Variants in PHACTR2 observed in about 807,000 individuals in gnomAD.
PHACTR2 encodes chromosome 6 open reading frame 56.
Under a neutral mutation model 76.0 loss-of-function variants are expected in PHACTR2, and 30 were observed. That is an observed-to-expected ratio of 0.39 (90% CI 0.30 to 0.54). The LOEUF (loss-of-function observed/expected upper bound fraction) is 0.54, where lower values mean the gene tolerates loss of function less well. Among genes scored for constraint, PHACTR2 ranks in the 20% least tolerant of loss-of-function variants. The pLI, the probability that PHACTR2 is intolerant of heterozygous loss-of-function variation, is 0.61. For missense variants in PHACTR2, 696 were observed against 781.1 expected (o/e 0.89, Z 1.30); for synonymous variants, 292 against 292.5 (o/e 1.00, Z 0.02).
At chr6:143,661,636 A>G (rs1384064916) in intron 1 of PHACTR2, among the ~76,000 whole-genome samples, 1 of 149,606 alleles carries the variant, frequency 6.7e-6, no homozygotes, top group Non-Finnish European at 1.5e-5. Flanking sequence ...TCGGCTCACT[A>G]CAACCTCCTA....
chr6:143,690,601 C>G (rs1406243225), intron 1 of PHACTR2, among the ~76,000 whole-genome samples: 1 of 152,206 alleles, frequency 6.6e-6, no homozygotes, highest in African/African-American at 2.4e-5. Flanking sequence ...CAAACACTGC[C>G]ATCCCTCCCA....
Position 143,576,135 on chromosome 6 carries a change from C to A in PHACTR2, c.217+38928C>A, listed in dbSNP as rs927621906. On this transcript the variant is annotated intron_variant, in intron 1 of 11. Coordinates refer to the PHACTR2 transcript ENST00000367584. ...CTTGGCTGGAAACTTGGAGCATCTGCAAGCTTGGTGTCTTCACATTAGATT... is the reference window on the plus strand; with the variant it reads ...CTTGGCTGGAAACTTGGAGCATCTGAAAGCTTGGTGTCTTCACATTAGATT... Among the ~76,000 whole-genome samples the A allele has an allele frequency of 3.9e-5, 6 of 152,204 alleles. 1 individual carries two copies. In the South Asian group the frequency reaches 1.2e-3, roughly 32 times the overall value.
Position 143,777,587 on chromosome 6 carries a change from C to T in PHACTR2, c.1645+204C>T, listed in dbSNP as rs1318634369. 6.6e-6 allele frequency among the ~76,000 whole-genome samples: 1 copy of T among 151,836 alleles called. No individual in the cohort carries two copies. On this transcript the variant is annotated intron_variant, in intron 9 of 12. Transcript: ENST00000440869. The surrounding 1 kb of genome is among the most constrained non-coding windows in gnomAD (Gnocchi z 4.6). ...TGATATTTGATTTTATGGCTTTGAG[C>T]CTTATACCCGCCCCTAGAGCAGAGT...
intron 1 of PHACTR2, among the ~76,000 whole-genome samples, chr6:143,685,327 T>C (rs1190390153): frequency 6.6e-6 from 1 of 151,960 alleles, no homozygotes; most frequent in African/African-American, 2.4e-5. Context: ...GAAAGAAATA[T>C]TTAATTATAT....
chr6:143,795,734 T>C lies in PHACTR2; in HGVS notation c.1845+6824T>C, dbSNP rs1031270871. On this transcript the variant is annotated intron_variant, in intron 11 of 12. Coordinates refer to ENST00000440869, the MANE Select transcript of PHACTR2 (RefSeq NM_001100164.2). The surrounding 1 kb of genome is among the most constrained non-coding windows in gnomAD (Gnocchi z 4.8). ...TTGGCCACTTAGTAGTTGTTTGACCTTGGCCAAGTCATTTAACCTAGGTTT... is the reference window on the plus strand; with the variant it reads ...TTGGCCACTTAGTAGTTGTTTGACCCTGGCCAAGTCATTTAACCTAGGTTT... 6.6e-6 allele frequency among the ~76,000 whole-genome samples: 1 copy of C among 152,236 alleles called. No homozygotes were observed. The highest frequency in any genetic ancestry group is 6.5e-5 in the Admixed American group (1 of 15,284).
chr6:143,686,021 A>G (rs1777511201), intron 1 of PHACTR2, among the ~76,000 whole-genome samples: 1 of 151,858 alleles, frequency 6.6e-6, no homozygotes, highest in African/African-American at 2.4e-5. Context: ...AATCTCAGCT[A>G]CTTGAGAGGC....
chr6:143,703,156 TA>T (rs57738495), intron 1 of PHACTR2, among the ~76,000 whole-genome samples: 24,745 of 91,104 alleles, frequency 0.27, 2,441 homozygotes, highest in Middle Eastern at 0.35. Context: ...AAAAAATTAC[TA>T]AAAAAAAAAA....
intron 1 of PHACTR2, among the ~76,000 whole-genome samples, chr6:143,560,592 A>G (rs2128429307): frequency 6.6e-6 from 1 of 152,340 alleles, no homozygotes; most frequent in Non-Finnish European, 1.5e-5. Context: ...TTTGGTGTAA[A>G]CAGACCTTTG....
At position 143,583,538 on chromosome 6, in the gene PHACTR2, G is replaced by A. The variant is rs1335357275; in HGVS notation, c.217+46331G>A. ...TATAGAATACAAATACTGTTGAATG[G>A]TGCAGCAACAGAGCTGTACAACACC... On this transcript the variant is annotated intron_variant, in intron 1 of 11. Coordinates refer to the PHACTR2 transcript ENST00000367584. The surrounding 1 kb of genome is among the most constrained non-coding windows in gnomAD (Gnocchi z 4.0). Among the ~76,000 whole-genome samples, 2 of 152,256 alleles carry A rather than the reference G, an allele frequency of 1.3e-5. No homozygotes were observed. Among genetic ancestry groups the A allele is most frequent in the African/African-American group, 4.8e-5 (2 of 41,472 alleles).
rs1347252934 is a variant in PHACTR2 at position 143,641,353 on chromosome 6, G to A, written c.13+33031G>A. Among the ~76,000 whole-genome samples, 3 of 152,278 alleles carry A rather than the reference G, an allele frequency of 2.0e-5. No individual in the cohort carries two copies. The East Asian group carries it at 5.8e-4, about 29-fold the overall frequency. On this transcript the variant is annotated intron_variant, in intron 1 of 11. Transcript: ENST00000305766. The surrounding 1 kb of genome is among the most constrained non-coding windows in gnomAD (Gnocchi z 5.8). ...TGGAATGGTATAGCCATAAGTCAAG[G>A]AATGCCTGGAGCTTCCAGAAGCTGG...
At chr6:143,565,154 A>G (rs1453450134) in intron 1 of PHACTR2, among the ~76,000 whole-genome samples, 1 of 152,230 alleles carries the variant, frequency 6.6e-6, no homozygotes, top group African/African-American at 2.4e-5. Context: ...CACCTACTGC[A>G]TGCTAGGCAT....
In PHACTR2 at chr6:143,684,226, T is replaced by C. The variant is rs2128454033; in HGVS notation, c.46+6017T>C. On this transcript the variant is annotated intron_variant, in intron 1 of 12. Coordinates refer to ENST00000440869, the MANE Select transcript of PHACTR2 (RefSeq NM_001100164.2). The surrounding 1 kb of genome is among the most constrained non-coding windows in gnomAD (Gnocchi z 4.3). ...GAAAACTTGCTGGGCATCCCAGAGG[T>C]AACATGGATCTAATGGAAGGTTTGA... 6.6e-6 allele frequency among the ~76,000 whole-genome samples: 1 copy of C among 152,274 alleles called. No homozygotes were observed. The highest frequency in any genetic ancestry group is 2.1e-4 in the South Asian group (1 of 4,822).
At chr6:143,573,624 G>A (rs1775473327) in intron 1 of PHACTR2, among the ~76,000 whole-genome samples, 1 of 151,640 alleles carries the variant, frequency 6.6e-6, no homozygotes, top group Non-Finnish European at 1.5e-5. Flanking sequence ...CTGTAGCTTG[G>A]AAAAGTTTCT....
chr6:143,791,036 AT>A lies in PHACTR2; in HGVS notation c.1845+2130del. On this transcript the variant is annotated intron_variant, in intron 11 of 12. Transcript: ENST00000440869. This position sits in a 1 kb window ranked among gnomAD's most constrained non-coding sequence, Gnocchi z 4.7. ...TCAACCTTTTTCTTTATGGCTTATGATTTTGTTTCTGGTTTTAAAAATTCTT... is the reference window on the plus strand; with the variant it reads ...TCAACCTTTTTCTTTATGGCTTATGATTTGTTTCTGGTTTTAAAAATTCTT... Among the ~76,000 whole-genome samples, 1 of 152,064 alleles carries A rather than the reference AT, an allele frequency of 6.6e-6. No individual in the cohort carries two copies. The highest frequency in any genetic ancestry group is 1.9e-4 in the East Asian group (1 of 5,188).
rs771282679 is a variant in PHACTR2 at position 143,678,145 on chromosome 6, T to A, written c.-19T>A. ...AAAGGAGCCGCTTGATCGCTGGACCTGGCCCTGCGACCCCAGTCATGGGCC... is the reference window on the plus strand; with the variant it reads ...AAAGGAGCCGCTTGATCGCTGGACCAGGCCCTGCGACCCCAGTCATGGGCC... On this transcript the variant is annotated 5_prime_UTR_variant, in exon 1 of 13. Transcript: ENST00000440869. The surrounding 1 kb of genome is among the most constrained non-coding windows in gnomAD (Gnocchi z 6.2). The A allele has an allele frequency of 6.5e-7, 1 of 1,545,510 alleles. No individual in the cohort carries two copies. Among genetic ancestry groups the A allele is most frequent in the Non-Finnish European group, 8.7e-7 (1 of 1,144,742 alleles).
intron 1 of PHACTR2, among the ~76,000 whole-genome samples, chr6:143,691,022 T>G (rs1777632168): frequency 6.6e-6 from 1 of 152,210 alleles, no homozygotes; most frequent in Non-Finnish European, 1.5e-5. Flanking sequence ...TCACCTAGTG[T>G]GCAAAATACT....
chr6:143,547,879 T>TGTAC lies in PHACTR2; in HGVS notation c.217+10676_217+10679dup, dbSNP rs1356157766. 6.6e-6 allele frequency among the ~76,000 whole-genome samples: 1 copy of TGTAC among 151,844 alleles called. No individual in the cohort carries two copies. The highest frequency in any genetic ancestry group is 6.5e-5 in the Admixed American group (1 of 15,274). Reference sequence around the variant, plus strand: ...CCCGCTGTATCTATGTATGTATGTATGTACGTATGTATCTATCTATCTATC... The same window carrying TGTAC: ...CCCGCTGTATCTATGTATGTATGTATGTACGTACGTATGTATCTATCTATCTATC... On this transcript the variant is annotated intron_variant, in intron 1 of 11. Transcript: ENST00000367584. This position sits in a 1 kb window ranked among gnomAD's most constrained non-coding sequence, Gnocchi z 4.2.
rs959703957 is a variant in PHACTR2, at chr6:143,787,961, G to C, written c.1708-812G>C. On this transcript the variant is annotated intron_variant, in intron 10 of 12. Coordinates refer to ENST00000440869, the MANE Select transcript of PHACTR2 (RefSeq NM_001100164.2). The surrounding 1 kb of genome is among the most constrained non-coding windows in gnomAD (Gnocchi z 4.6). Reference sequence around the variant, plus strand: ...AATGGGAGTGAACCTCCGTAGCAGAGAGTAGATAATGCCTGTTTACCAAGG... The same window carrying C: ...AATGGGAGTGAACCTCCGTAGCAGACAGTAGATAATGCCTGTTTACCAAGG... Among the ~76,000 whole-genome samples, 2 of 152,194 alleles carry C rather than the reference G, an allele frequency of 1.3e-5. No homozygotes were observed. Among genetic ancestry groups the C allele is most frequent in the South Asian group, 2.1e-4 (1 of 4,824 alleles).
rs1280120390 is a variant in PHACTR2 at position 143,549,606 on chromosome 6, T to C, written c.217+12399T>C. 6.6e-6 allele frequency among the ~76,000 whole-genome samples: 1 copy of C among 151,870 alleles called. No individual in the cohort carries two copies. The highest frequency in any genetic ancestry group is 2.4e-5 in the African/African-American group (1 of 41,360). ...AGCAGCTATGGAGGGAGAAAGGTGT[T>C]TTGAAATTTCTGGTGCTGAAAAACC... On this transcript the variant is annotated intron_variant, in intron 1 of 11. Coordinates refer to the PHACTR2 transcript ENST00000367584. The surrounding 1 kb of genome is among the most constrained non-coding windows in gnomAD (Gnocchi z 4.2).
Sources: gnomAD v4.1 joint callset for allele counts (sites outside exome capture counted in the v4.1 genomes callset) on GRCh38, gnomAD v4.1.1 for gene constraint, Gnocchi (gnomAD v3.1) non-coding constraint, MANE v1.5 for transcripts, NCBI Gene and HGNC (gene_info 2026-07-23, HGNC 2026-07-21) for gene names.